Variants in ETFDH observed in about 807,000 individuals in gnomAD.
ETFDH encodes the protein electron transfer flavoprotein dehydrogenase, also known as electron transfer flavoprotein-ubiquinone oxidoreductase, mitochondrial.
In ETFDH, 61 loss-of-function variants were observed where a neutral mutation model predicts 73.2. The observed-to-expected ratio is 0.83, with a 90% CI of 0.68 to 1.03. The LOEUF (loss-of-function observed/expected upper bound fraction) is 1.03. Ranked by LOEUF, ETFDH falls within the 50% of genes least tolerant of loss-of-function variation. The pLI is 0.00. For missense variants in ETFDH, 685 were observed against 745.0 expected, an observed-to-expected ratio of 0.92 and a Z score of 0.94; for synonymous variants, 243 against 253.3, an observed-to-expected ratio of 0.96 and a Z score of 0.39.
intron 3 of ETFDH, among the ~76,000 whole-genome samples, chr4:158,684,209 G>A (rs1773940358): frequency 6.6e-6 from 1 of 152,076 alleles, no homozygotes; most frequent in Non-Finnish European, 1.5e-5. Flanking sequence ...GGCCAACATG[G>A]TAAAACCCCC....
At chr4:158,694,836 T>A (rs1010902736) in intron 6 of ETFDH, among the ~76,000 whole-genome samples, 2 of 152,138 alleles carry the variant, frequency 1.3e-5, no homozygotes, top group African/African-American at 4.8e-5. Context: ...GAATCTATCT[T>A]ATAGGAATAA....
At chr4:158,703,700 T>G (rs1437335581) in intron 10 of ETFDH, 109 bp downstream of exon 10, 10 of 724,062 alleles carry the variant, frequency 1.4e-5, no homozygotes, top group Non-Finnish European at 2.2e-5. Context: ...AAAGTATTAA[T>G]AAGCATGCTA....
intron 8 of ETFDH, among the ~76,000 whole-genome samples, chr4:158,698,726 G>T (rs1290394754): frequency 6.6e-6 from 1 of 151,978 alleles, no homozygotes; most frequent in African/African-American, 2.4e-5. Context: ...GAGTTCCAGA[G>T]CACAAGGATT....
At chr4:158,685,428 A>G (rs1773980355) in intron 5 of ETFDH, among the ~76,000 whole-genome samples, 1 of 152,230 alleles carries the variant, frequency 6.6e-6, no homozygotes, top group Non-Finnish European at 1.5e-5. Context: ...CCAACTTATG[A>G]TTGATCACCA....
chr4:158,695,684 G>A (rs754785137), intron 7 of ETFDH, 41 bp downstream of exon 7: 5 of 1,414,104 alleles, frequency 3.5e-6, no homozygotes, highest in Non-Finnish European at 3.0e-6. Flanking sequence ...TTGAAAGATG[G>A]AATTTAAATT....
intron 10 of ETFDH, among the ~76,000 whole-genome samples, chr4:158,704,569 C>G (rs1374102087): frequency 6.6e-6 from 1 of 152,182 alleles, no homozygotes; most frequent in Non-Finnish European, 1.5e-5. Flanking sequence ...CCTGCATGGC[C>G]TTTTCTAGCG....
intron 6 of ETFDH, among the ~76,000 whole-genome samples, chr4:158,692,586 TATCTC>T (rs1244473348): frequency 1.3e-5 from 2 of 151,998 alleles, no homozygotes; most frequent in African/African-American, 2.4e-5. Context: ...AAAGAACTGT[TATCTC>T]ATACTGCCTC....
chr4:158,695,767 A>T (rs1337447146), intron 7 of ETFDH, 124 bp downstream of exon 7: 1 of 721,546 alleles, frequency 1.4e-6, no homozygotes, highest in African/African-American at 1.8e-5. Flanking sequence ...TGAAATGTTC[A>T]TTATGACTAA....
At chr4:158,679,346 G>T (rs945026001) in intron 1 of ETFDH, 1 of 152,022 alleles carries the variant, frequency 6.6e-6, no homozygotes, top group East Asian at 1.9e-4. Flanking sequence ...AAGCTCAGAA[G>T]GGATGGTATC....
At chr4:158,707,960 G>A (rs997313059) in intron 12 of ETFDH, among the ~76,000 whole-genome samples, 16 of 152,180 alleles carry the variant, frequency 1.1e-4, no homozygotes, top group Non-Finnish European at 2.2e-4. Context: ...CACATTTGTG[G>A]GTGAAATACA....
chr4:158,681,551 C>T (rs1434259416), intron 2 of ETFDH: 1 of 152,694 alleles, frequency 6.5e-6, no homozygotes, highest in Non-Finnish European at 1.5e-5. Flanking sequence ...TTGTCCTTCA[C>T]ATTCTCACTG....
At chr4:158,674,971 T>C (rs1773676719) in intron 1 of ETFDH, among the ~76,000 whole-genome samples, 1 of 152,116 alleles carries the variant, frequency 6.6e-6, no homozygotes, top group Non-Finnish European at 1.5e-5. Flanking sequence ...AATCCTAGAT[T>C]CTAAAAAAAA....
At chr4:158,686,463 G>A (rs1446576832) in intron 5 of ETFDH, among the ~76,000 whole-genome samples, 1 of 152,178 alleles carries the variant, frequency 6.6e-6, no homozygotes, top group Non-Finnish European at 1.5e-5. Flanking sequence ...AGACAGAAGG[G>A]TATGATCTAA....
rs6536360 is a variant in ETFDH, at chr4:158,699,271, A to G, written c.1116+141A>G. 4.5e-3 allele frequency: 3,465 copies of G among 767,844 alleles called. 71 individuals carry two copies. The African/African-American group carries it at 0.045, about 10-fold the overall frequency. The allele number at this position is 767,844 out of a possible 1,614,324, so 47.6% of individuals were successfully genotyped here. ...AGAGTTTATAAAACTGTGTCACACA[A>G]TACTTCAATTACACCATGAATTTAG... On this transcript the variant is annotated intron_variant, in intron 9 of 12. Coordinates refer to ENST00000511912, the MANE Select transcript of ETFDH (RefSeq NM_004453.4).
chr4:158,695,193 A>G (rs1195865071), intron 6 of ETFDH, among the ~76,000 whole-genome samples: 2 of 152,192 alleles, frequency 1.3e-5, no homozygotes, highest in Admixed American at 6.5e-5. Context: ...GTGAATGGCT[A>G]TTATCCATTG....
Position 158,680,389 on chromosome 4 carries a change from T to C in ETFDH, c.35-78T>C, listed in dbSNP as rs952420339. On this transcript the variant is annotated intron_variant, in intron 1 of 12. Coordinates refer to ENST00000511912, the MANE Select transcript of ETFDH (RefSeq NM_004453.4). ...ATTTCACTATACTCATTGAGTATAGTCATTCACTTATATTTTTTCAGTCTA... is the reference window on the plus strand; with the variant it reads ...ATTTCACTATACTCATTGAGTATAGCCATTCACTTATATTTTTTCAGTCTA... The C allele has an allele frequency of 4.2e-6, 4 of 956,004 alleles. No individual in the cohort carries two copies. In the African/African-American group the frequency reaches 6.4e-5, roughly 15 times the overall value. The allele number at this position is 956,004 out of a possible 1,614,324, so 59.2% of individuals were successfully genotyped here.
In ETFDH at chr4:158,703,400, A is replaced by T. The variant is rs766099055; in HGVS notation, c.1117-23A>T. On this transcript the variant is annotated intron_variant, in intron 9 of 12. Coordinates refer to ENST00000511912, the MANE Select transcript of ETFDH (RefSeq NM_004453.4). ...TTGTTTAATATGAACTAACAAATGT[A>T]TTCTGAATCTTTGTTTCCTCAGTCT... 2.6e-6 allele frequency: 4 copies of T among 1,553,670 alleles called. No individual in the cohort carries two copies. The South Asian group carries it at 4.5e-5, about 17-fold the overall frequency.
chr4:158,700,856 T>C (rs1474842326), intron 9 of ETFDH: 2 of 152,210 alleles, frequency 1.3e-5, no homozygotes, highest in African/African-American at 4.8e-5. Flanking sequence ...GCATTGATGA[T>C]TGTTTTATCC....
chr4:158,705,115 T>A (rs1774572690), intron 10 of ETFDH, among the ~76,000 whole-genome samples: 1 of 152,188 alleles, frequency 6.6e-6, no homozygotes, highest in East Asian at 1.9e-4. Flanking sequence ...AAAGTAGTCA[T>A]GTGGAGTCCA....
Sources: gnomAD v4.1 joint callset for allele counts (sites outside exome capture counted in the v4.1 genomes callset) on GRCh38, gnomAD v4.1.1 for gene constraint, MANE v1.5 for transcripts, NCBI Gene and HGNC (gene_info 2026-07-23, HGNC 2026-07-21) for gene names.